Variants in NUP210 observed in about 807,000 individuals in gnomAD.
NUP210 encodes the protein nuclear pore membrane glycoprotein 210.
Under a neutral mutation model 196.0 loss-of-function variants are expected in NUP210, and 151 were observed. The ratio of observed to expected loss-of-function variants is 0.77; its 90% CI spans 0.67 to 0.88. The LOEUF is 0.88. NUP210 is among the 40% of genes least tolerant of loss of function. The probability of loss-of-function intolerance (pLI) is 0.00; values close to 1 mark genes in which losing one functional copy is unlikely to be tolerated. For synonymous variants in NUP210, 1,070 were observed against 1,052.7 expected (o/e 1.02, Z -0.32); for missense variants, 2,314 against 2,493.7 (o/e 0.93, Z 1.53).
At position 13,420,185 on chromosome 3, in the gene NUP210, C is replaced by A; in HGVS notation, c.42G>T (p.Ser14=). The A allele has an allele frequency of 5.6e-6, 7 of 1,240,110 alleles. No individual in the cohort carries two copies. Among genetic ancestry groups the A allele is most frequent in the South Asian group, 2.5e-5 (1 of 40,548 alleles). 76.8% of individuals were successfully genotyped at this position (1,240,110 alleles called of 1,614,324 possible). The change falls in exon 1 of 40, where the codon TCG becomes TCT. Residue 14 remains serine, a synonymous_variant. Coordinates refer to ENST00000254508, the MANE Select transcript of NUP210 (RefSeq NM_024923.4). This position sits in a 1 kb window ranked among gnomAD's most constrained non-coding sequence, Gnocchi z 4.8. ...RGRGLLLLTL[S]VLLAAGPSAA... ...CGGAGGGGCCCGCCGCCAACAGCACCGACAGCGTCAGCAGCAGCAGCCCCC... is the reference window on the plus strand; with the variant it reads ...CGGAGGGGCCCGCCGCCAACAGCACAGACAGCGTCAGCAGCAGCAGCCCCC...
rs868529968 is a variant in NUP210, at chr3:13,377,455, C to A, written c.1152+1G>T. 2.5e-6 allele frequency: 4 copies of A among 1,606,910 alleles called. No individual in the cohort carries two copies. The African/African-American group carries it at 5.4e-5, about 21-fold the overall frequency. ...CAGCCAGGACCTGAACAGGCACTCACGTCAGATACATAGACCTTGTTGCTG... is the reference window on the plus strand; with the variant it reads ...CAGCCAGGACCTGAACAGGCACTCAAGTCAGATACATAGACCTTGTTGCTG... On this transcript the variant is annotated splice_donor_variant, in intron 9 of 39. Transcript: ENST00000254508. LOFTEE classifies it high-confidence loss of function.
intron 1 of NUP210, among the ~76,000 whole-genome samples, chr3:13,418,252 T>TG (rs1213761011): frequency 2.0e-5 from 3 of 152,194 alleles, no homozygotes; most frequent in Non-Finnish European, 4.4e-5. Flanking sequence ...CAAAATGCAA[T>TG]GGGCTGACCT....
At chr3:13,413,692 G>T (rs746571648) in intron 1 of NUP210, among the ~76,000 whole-genome samples, 50 of 152,302 alleles carry the variant, frequency 3.3e-4, no homozygotes, top group African/African-American at 4.6e-4. Flanking sequence ...CCGAGCAGGA[G>T]AAAATAGGGA....
chr3:13,416,534 A>G (rs1700353756), intron 1 of NUP210, among the ~76,000 whole-genome samples: 1 of 152,198 alleles, frequency 6.6e-6, no homozygotes, highest in African/African-American at 2.4e-5. Flanking sequence ...CAGCTGCCCA[A>G]CAGAGCACTT....
chr3:13,371,761 G>A (rs753561615), intron 13 of NUP210, 73 bp downstream of exon 13: 223 of 1,374,260 alleles, frequency 1.6e-4, no homozygotes, highest in Non-Finnish European at 1.9e-4. Flanking sequence ...GGAATCTGGC[G>A]GTCCATGCTG....
intron 1 of NUP210, among the ~76,000 whole-genome samples, chr3:13,416,338 C>T (rs1700347746): frequency 6.6e-6 from 1 of 152,166 alleles, no homozygotes; most frequent in African/African-American, 2.4e-5. Context: ...ATCCCCTCCC[C>T]ACCTCAGCCA....
Position 13,317,641 on chromosome 3 carries a change from G to A in NUP210, c.*40C>T, listed in dbSNP as rs1475360528. On this transcript the variant is annotated 3_prime_UTR_variant, in exon 40 of 40. Coordinates refer to ENST00000254508, the MANE Select transcript of NUP210 (RefSeq NM_024923.4). ...GATGTTCCATCTTGGGGGTGCACGA[G>A]GCTCGGCTGAGACCCATCCTCCGGG... 2 of 1,431,616 alleles carry A rather than the reference G, an allele frequency of 1.4e-6. No homozygotes were observed. The highest frequency in any genetic ancestry group is 1.9e-6 in the Non-Finnish European group (2 of 1,032,812). 88.7% of individuals were successfully genotyped at this position (1,431,616 alleles called of 1,614,324 possible).
chr3:13,367,397 T>A (rs748041701), intron 13 of NUP210, among the ~76,000 whole-genome samples: 1 of 152,190 alleles, frequency 6.6e-6, no homozygotes, highest in Non-Finnish European at 1.5e-5. Flanking sequence ...AACGCACCAT[T>A]GCACTCCCAC....
At chr3:13,343,342 G>GGGGGGGGGTGGGGGGGGGGGGGGGGGC in intron 20 of NUP210, 39 bp from the exon 21 acceptor site, 1 of 655,994 alleles carries the variant, frequency 1.5e-6, no homozygotes, top group Non-Finnish European at 2.5e-6. Context: ...TGGGTGGTGG[G>GGGGGGGGGTGGGGGGGGGGGGGGGGGC]TTACGCAGCT....
rs1276815676 is a variant in NUP210 at position 13,348,244 on chromosome 3, T to C, written c.2835+3635A>G. The C allele has an allele frequency of 3.0e-6, 1 of 328,970 alleles. No individual in the cohort carries two copies. Among genetic ancestry groups the C allele is most frequent in the Non-Finnish European group, 4.3e-6 (1 of 230,032 alleles). The allele number at this position is 328,970 out of a possible 1,614,324, so 20.4% of individuals were successfully genotyped here. A position where few individuals can be genotyped will look rare whatever the true frequency, so the allele number is the denominator to read the frequency against. The stretch of plus-strand genomic sequence containing the variant: ...ATGCTGGAATCCCACCTTGAGTCTT[T>C]CAGACAAGTGTCCCAGCTTCTGCTC... On this transcript the variant is annotated intron_variant, in intron 20 of 39. Transcript: ENST00000254508. This position sits in a 1 kb window ranked among gnomAD's most constrained non-coding sequence, Gnocchi z 4.0.
At chr3:13,318,990 T>C in intron 39 of NUP210, 82 bp downstream of exon 39, 2 of 1,339,434 alleles carry the variant, frequency 1.5e-6, no homozygotes, top group Non-Finnish European at 2.0e-6. Flanking sequence ...AGACTTAGGG[T>C]TCAGGAGCCT....
At chr3:13,381,420 C>CTTTTTTTTTTT (rs10644995) in intron 6 of NUP210, among the ~76,000 whole-genome samples, 2 of 134,432 alleles carry the variant, frequency 1.5e-5, no homozygotes, top group African/African-American at 5.6e-5. Context: ...CTTTTCTTTT[C>CTTTTTTTTTTT]TTTTTTTTTT....
intron 14 of NUP210, among the ~76,000 whole-genome samples, chr3:13,362,923 C>G (rs1698417627): frequency 6.6e-6 from 1 of 152,190 alleles, no homozygotes; most frequent in South Asian, 2.1e-4. Flanking sequence ...TCCCCCGTCA[C>G]CTCCTTTCCA....
Position 13,360,257 on chromosome 3 carries a change from G to C in NUP210, c.2154+13C>G. The C allele has an allele frequency of 6.2e-7, 1 of 1,609,124 alleles. No homozygotes were observed. The highest frequency in any genetic ancestry group is 8.5e-7 in the Non-Finnish European group (1 of 1,175,500). On this transcript the variant is annotated intron_variant, in intron 15 of 39. Coordinates refer to ENST00000254508, the MANE Select transcript of NUP210 (RefSeq NM_024923.4). ...CTTAGGGCAAGGAGGGTCTGGAGCA[G>C]CTGCCCACTCACCTGCTCACCCAAG...
chr3:13,391,247 T>C lies in NUP210; in HGVS notation c.497A>G (p.Glu166Gly), dbSNP rs563150321. The change falls in exon 4 of 40, where the codon GAG becomes GGG. Residue 166 changes from glutamate to glycine, a missense_variant. Transcript: ENST00000254508. Reference protein sequence around the residue: ...VFEWTIVKDSEADRFSDSHNA... With the variant: ...VFEWTIVKDSGADRFSDSHNA... ...GTGGGAGTCTGAGAACCTGTCCGCC[T>C]CGGAGTCCTTCACAATCGTCCACTC... is the stretch of plus-strand genomic sequence containing the variant. 1.6e-5 allele frequency: 26 copies of C among 1,612,686 alleles called. No individual in the cohort carries two copies. The South Asian group carries it at 2.5e-4, about 16-fold the overall frequency.
intron 14 of NUP210, among the ~76,000 whole-genome samples, chr3:13,364,019 C>T (rs779045508): frequency 9.9e-5 from 15 of 152,152 alleles, no homozygotes; most frequent in Non-Finnish European, 1.9e-4. Context: ...CTCCACTCTG[C>T]TCTCTGACAC....
chr3:13,411,898 G>A (rs961369805), intron 1 of NUP210, among the ~76,000 whole-genome samples: 2 of 151,774 alleles, frequency 1.3e-5, no homozygotes, highest in South Asian at 2.1e-4. Flanking sequence ...CCAGCACCAC[G>A]CCCAGCTATT....
chr3:13,392,418 T>C (rs531498475), intron 3 of NUP210, among the ~76,000 whole-genome samples: 39 of 152,302 alleles, frequency 2.6e-4, no homozygotes, highest in South Asian at 2.1e-3. Flanking sequence ...GATGTACATA[T>C]ATGCGGGAAG....
In NUP210 at chr3:13,319,819, G is replaced by A. The variant is rs1461207110; in HGVS notation, c.5327C>T (p.Ala1776Val). The A allele has an allele frequency of 6.2e-7, 1 of 1,614,242 alleles. No homozygotes were observed. The highest frequency in any genetic ancestry group is 8.5e-7 in the Non-Finnish European group (1 of 1,180,038). The change falls in exon 37 of 40, where the codon GCC (alanine) becomes GTC (valine). Residue 1776 changes from alanine to valine, a missense_variant. Transcript: ENST00000254508. ...LTFSSPVTNQ[A>V]IAIPVTVAFV... ...AGCCACTGTCACTGGGATGGCAATG[G>A]CTTGGTTGGTCACGGGGCTGGAGAA...
Sources: gnomAD v4.1 joint callset for allele counts (sites outside exome capture counted in the v4.1 genomes callset) on GRCh38, gnomAD v4.1.1 for gene constraint, Gnocchi (gnomAD v3.1) non-coding constraint, MANE v1.5 for transcripts, NCBI Gene and HGNC (gene_info 2026-07-23, HGNC 2026-07-21) for gene names.